Variants in MICU3 observed in about 807,000 individuals in gnomAD.
MICU3 encodes calcium uptake protein 3, mitochondrial.
In MICU3, 62 loss-of-function variants were observed where a neutral mutation model predicts 66.5. The ratio of observed to expected loss-of-function variants is 0.93; its 90% CI spans 0.76 to 1.15. MICU3 has a LOEUF of 1.15. Among genes scored for constraint, MICU3 ranks in the 50% most tolerant of loss-of-function variants. The pLI, the probability that MICU3 is intolerant of heterozygous loss-of-function variation, is 0.00. For synonymous variants in MICU3, 308 were observed against 240.7 expected (o/e 1.28, Z -2.59); for missense variants, 779 against 664.4 (o/e 1.17, Z -1.90).
intron 8 of MICU3, among the ~76,000 whole-genome samples, chr8:17,093,222 G>A (rs558022076): frequency 1.3e-5 from 2 of 152,090 alleles, no homozygotes; most frequent in African/African-American, 4.8e-5. Context: ...ATGAAAAGAA[G>A]TACAGAAATT....
intron 4 of MICU3, among the ~76,000 whole-genome samples, chr8:17,078,065 G>A (rs937476594): frequency 1.1e-4 from 17 of 151,484 alleles, no homozygotes; most frequent in African/African-American, 4.1e-4. Flanking sequence ...ATTAAGGGTG[G>A]TTTTCATGTT....
chr8:17,085,340 C>T (rs2285265), intron 6 of MICU3, 22 bp downstream of exon 6: 540,526 of 1,402,442 alleles, frequency 0.39, 107,158 homozygotes, highest in African/African-American at 0.57. Flanking sequence ...AGATGCTGCA[C>T]TTTATCAATA....
intron 11 of MICU3, among the ~76,000 whole-genome samples, chr8:17,110,742 G>GA (rs140105186): frequency 8.7e-6 from 1 of 114,558 alleles, no homozygotes; most frequent in East Asian, 5.7e-4. Flanking sequence ...TTTTTGGGGA[G>GA]GGGGGGGTAG....
In MICU3 at chr8:17,099,705, A is replaced by T. The variant is rs1418146716; in HGVS notation, c.984+1152A>T. Among the ~76,000 whole-genome samples the T allele has an allele frequency of 5.3e-5, 8 of 151,894 alleles. No homozygotes were observed. The East Asian group carries it at 1.4e-3, about 26-fold the overall frequency. On this transcript the variant is annotated intron_variant, in intron 9 of 14. Coordinates refer to ENST00000318063, the MANE Select transcript of MICU3 (RefSeq NM_181723.3). ...TATTTTAGAAGCACTTTATTTTGTA[A>T]TCATTATGTAGGCACATTGTAGTAG...
intron 13 of MICU3, among the ~76,000 whole-genome samples, chr8:17,118,460 A>G (rs142976345): frequency 2.8e-4 from 43 of 152,272 alleles, no homozygotes; most frequent in African/African-American, 1.0e-3. Context: ...GAAATACATG[A>G]TTACTAACTA....
intron 5 of MICU3, among the ~76,000 whole-genome samples, chr8:17,083,157 T>C (rs927443623): frequency 1.3e-5 from 2 of 151,844 alleles, no homozygotes; most frequent in Non-Finnish European, 2.9e-5. Flanking sequence ...TCATAGGGAG[T>C]TGAAGCTTTT....
chr8:17,070,613 A>G (rs1819415648), intron 3 of MICU3, among the ~76,000 whole-genome samples: 1 of 150,652 alleles, frequency 6.6e-6, no homozygotes, highest in African/African-American at 2.4e-5. Flanking sequence ...TTGCATATAT[A>G]TTCCTTTTAT....
At chr8:17,119,870 G>A (rs573293020) in intron 14 of MICU3, among the ~76,000 whole-genome samples, 119 of 152,234 alleles carry the variant, frequency 7.8e-4, no homozygotes, top group Admixed American at 1.5e-3. Context: ...GGTGGTAACC[G>A]TTGTAGCTGA....
chr8:17,138,037 T>C, the MICU3 span, among the ~76,000 whole-genome samples: 12 of 151,936 alleles, frequency 7.9e-5, no homozygotes, highest in Non-Finnish European at 1.3e-4. Flanking sequence ...TTCTATTACA[T>C]GGAAGTGGAT....
chr8:17,116,297 A>G (rs1353269786), intron 12 of MICU3, 146 bp from the exon 13 acceptor site: 2 of 492,530 alleles, frequency 4.1e-6, no homozygotes, highest in Non-Finnish European at 6.8e-6. Flanking sequence ...TCATTACCTA[A>G]AAGACAGCAG....
intron 5 of MICU3, among the ~76,000 whole-genome samples, chr8:17,084,442 GGTAGCAAATGTATCT>G (rs938613952): frequency 1.3e-5 from 2 of 150,860 alleles, no homozygotes; most frequent in African/African-American, 5.0e-5. Flanking sequence ...CACAACAGGT[GGTAGCAAATGTATCT>G]GTGGGGGGTC....
chr8:17,133,566 T>C, the MICU3 span, among the ~76,000 whole-genome samples: 2 of 152,176 alleles, frequency 1.3e-5, no homozygotes, highest in Admixed American at 6.5e-5. Context: ...ATTTCCTTAC[T>C]GCTTTTAAGC....
intron 1 of MICU3, among the ~76,000 whole-genome samples, chr8:17,060,037 C>G (rs1032124526): frequency 6.6e-6 from 1 of 152,120 alleles, no homozygotes; most frequent in South Asian, 2.1e-4. Context: ...AACAGATTGA[C>G]AGGTACAGTG....
intron 8 of MICU3, among the ~76,000 whole-genome samples, 179 bp from the exon 9 acceptor site, chr8:17,098,279 T>C (rs1459538957): frequency 6.6e-6 from 1 of 151,738 alleles, no homozygotes; most frequent in East Asian, 1.9e-4. Context: ...TTTGAAAGTA[T>C]GTGAGTTACC....
intron 3 of MICU3, among the ~76,000 whole-genome samples, chr8:17,072,921 C>A (rs1819821324): frequency 6.6e-6 from 1 of 152,150 alleles, no homozygotes; most frequent in African/African-American, 2.4e-5. Context: ...GAGTCTCTCC[C>A]TGTCACCCAG....
the MICU3 span, chr8:17,131,187 A>G: frequency 6.6e-6 from 1 of 152,222 alleles, no homozygotes; most frequent in Admixed American, 6.5e-5. Context: ...AGATAATTTT[A>G]ACAAATAAAA....
chr8:17,122,203 A>G lies in MICU3; in HGVS notation c.*1916A>G, dbSNP rs752675093. ...ATTTGTAAGGCTGCAACATAATATT[A>G]AAATGTGAATAAATAAATGTTCTGA... On this transcript the variant is annotated 3_prime_UTR_variant, in exon 15 of 15. Coordinates refer to ENST00000318063, the MANE Select transcript of MICU3 (RefSeq NM_181723.3). The G allele has an allele frequency of 1.3e-5, 2 of 151,888 alleles. No homozygotes were observed. Among genetic ancestry groups the G allele is most frequent in the Non-Finnish European group, 3.0e-5 (2 of 67,768 alleles). 9.4% of individuals were successfully genotyped at this position (151,888 alleles called of 1,614,324 possible).
chr8:17,112,499 T>C (rs563901767), intron 11 of MICU3, among the ~76,000 whole-genome samples: 28 of 152,110 alleles, frequency 1.8e-4, no homozygotes, highest in Non-Finnish European at 3.5e-4. Context: ...TTTAATTATC[T>C]CCATCAAAAT....
In MICU3 at chr8:17,058,355, A is replaced by T. The variant is rs192006782; in HGVS notation, c.382-5729A>T. ...GAAACCTATTCCTAGTAATATAAGG[A>T]TATACACCTAATCACAGAACCACAG... is the stretch of plus-strand genomic sequence containing the variant. On this transcript the variant is annotated intron_variant, in intron 1 of 14. Coordinates refer to ENST00000318063, the MANE Select transcript of MICU3 (RefSeq NM_181723.3). Among the ~76,000 whole-genome samples, 37 of 152,332 alleles carry T rather than the reference A, an allele frequency of 2.4e-4. No homozygotes were observed. The East Asian group carries it at 7.1e-3, about 29-fold the overall frequency.
Sources: allele counts gnomAD v4.1 joint callset (sites outside exome capture counted in the v4.1 genomes callset), GRCh38; gene constraint gnomAD v4.1.1; transcripts MANE v1.5; gene names NCBI Gene and HGNC (gene_info 2026-07-23, HGNC 2026-07-21).